The following TDP1 variants were observed in gnomAD, a reference collection of about 807,000 sequenced individuals.
TDP1 encodes tyr-DNA phosphodiesterase 1.
Under a neutral mutation model 81.5 loss-of-function variants are expected in TDP1, and 64 were observed. The observed-to-expected ratio is 0.79, with a 90% confidence interval of 0.64 to 0.97. TDP1 has a LOEUF of 0.97. TDP1 is among the 50% of genes least tolerant of loss of function. TDP1 has a pLI of 0.00. For missense variants in TDP1, 723 were observed against 743.8 expected (o/e 0.97, Z 0.33); for synonymous variants, 256 against 264.3 (o/e 0.97, Z 0.30).
chr14:89,985,185 A>C lies in TDP1; in HGVS notation c.1106A>C (p.Asn369Thr), dbSNP rs1036757935. The change falls in exon 10 of 17, where the codon AAT becomes ACT. Residue 369 changes from asparagine (N) to threonine (T), a missense_variant. Transcript: ENST00000335725. ...CGCTTTCAAGGAAGTCAAAAAGATAATTGGGGACATTTTAGACTTAAGAAG... is the reference window on the plus strand; with the variant it reads ...CGCTTTCAAGGAAGTCAAAAAGATACTTGGGGACATTTTAGACTTAAGAAG... ...PGRFQGSQKD[N>T]WGHFRLKKLL... The C allele has an allele frequency of 8.7e-6, 14 of 1,610,280 alleles. No individual in the cohort carries two copies. The highest frequency in any genetic ancestry group is 1.1e-5 in the Non-Finnish European group (13 of 1,178,114).
chr14:89,990,546 CCT>C (rs1491129020), intron 12 of TDP1, among the ~76,000 whole-genome samples: 9 of 131,902 alleles, frequency 6.8e-5, no homozygotes, highest in African/African-American at 2.8e-4. Flanking sequence ...GTGTATTAGC[CCT>C]TTTTTTTTTT....
intron 14 of TDP1, among the ~76,000 whole-genome samples, chr14:90,009,201 C>G (rs549316211): frequency 9.3e-4 from 141 of 152,136 alleles, no homozygotes; most frequent in Non-Finnish European, 1.4e-3. Flanking sequence ...GTGGACAAAC[C>G]TCTGTACCTC....
At chr14:90,026,514 G>A (rs1004433375) in intron 15 of TDP1, among the ~76,000 whole-genome samples, 1 of 152,126 alleles carries the variant, frequency 6.6e-6, no homozygotes, top group Admixed American at 6.5e-5. Flanking sequence ...ACAACGTGCA[G>A]GTTTGTTACA....
intron 3 of TDP1, among the ~76,000 whole-genome samples, chr14:89,965,090 G>A (rs1392351703): frequency 6.6e-6 from 1 of 152,196 alleles, no homozygotes; most frequent in Admixed American, 6.5e-5. Context: ...AGAAATACAT[G>A]CTGGTGGGGG....
At chr14:90,013,278 G>A (rs747590964) in intron 14 of TDP1, among the ~76,000 whole-genome samples, 13 of 152,304 alleles carry the variant, frequency 8.5e-5, no homozygotes, top group Non-Finnish European at 1.5e-4. Flanking sequence ...GAATGATATG[G>A]TTTGGCTCTG....
Position 89,961,763 on chromosome 14 carries a change from T to C in TDP1, c.-7-1345T>C, listed in dbSNP as rs116259999. 5.3e-3 allele frequency among the ~76,000 whole-genome samples: 801 copies of C among 152,360 alleles called. 8 individuals carry two copies. Among genetic ancestry groups the C allele is most frequent in the African/African-American group, 0.019 (774 of 41,588 alleles). On this transcript the variant is annotated intron_variant, in intron 2 of 16. Coordinates refer to ENST00000335725, the MANE Select transcript of TDP1 (RefSeq NM_018319.4). ...GTATTGATTTGCAAATCTTTTGATG[T>C]AGAATAATGTTGAATTCTCTTTTTT...
intron 14 of TDP1, among the ~76,000 whole-genome samples, chr14:90,013,682 C>T (rs1884985101): frequency 6.6e-6 from 1 of 152,160 alleles, no homozygotes; most frequent in Non-Finnish European, 1.5e-5. Flanking sequence ...TGTGTCCCCA[C>T]CCAAATCTCA....
intron 7 of TDP1, among the ~76,000 whole-genome samples, chr14:89,976,117 A>T (rs544081550): frequency 1.3e-5 from 2 of 151,968 alleles, no homozygotes; most frequent in East Asian, 3.9e-4. Context: ...TATACACACA[A>T]TTTTTCAAGA....
Position 89,963,669 on chromosome 14 carries a change from C to A in TDP1, c.555C>A (p.Ile185=). The A allele has an allele frequency of 6.2e-7, 1 of 1,613,952 alleles. No homozygotes were observed. The highest frequency in any genetic ancestry group is 1.7e-4 in the Middle Eastern group (1 of 6,046). ...KPKYNSGALH[I]KDILSPLFGT... Reference sequence around the variant, plus strand: ...AGTATAACTCTGGAGCCCTCCACATCAAGGGTAAGAGGATGCTGGGTGTCA... The same window carrying A: ...AGTATAACTCTGGAGCCCTCCACATAAAGGGTAAGAGGATGCTGGGTGTCA... Residue 185 remains isoleucine, a synonymous_variant, in exon 3 of 17, where the codon ATC becomes ATA. Coordinates refer to ENST00000335725, the MANE Select transcript of TDP1 (RefSeq NM_018319.4).
chr14:90,030,589 C>T (rs1249184925), intron 15 of TDP1, among the ~76,000 whole-genome samples: 2 of 152,168 alleles, frequency 1.3e-5, no homozygotes, highest in South Asian at 2.1e-4. Context: ...GCACAAAACA[C>T]TTTCACACAG....
At chr14:90,015,254 C>T (rs534196869) in intron 14 of TDP1, among the ~76,000 whole-genome samples, 2 of 152,218 alleles carry the variant, frequency 1.3e-5, no homozygotes, top group Admixed American at 1.3e-4. Context: ...ATGTGCCTGC[C>T]TGCCTTCTCC....
At chr14:89,976,588 G>A (rs552608379) in intron 7 of TDP1, among the ~76,000 whole-genome samples, 2 of 137,462 alleles carry the variant, frequency 1.5e-5, no homozygotes, top group African/African-American at 5.6e-5. Context: ...CCAGCCTGGA[G>A]TGCAGTGGCA....
In TDP1 at chr14:90,021,890, A is replaced by T. The variant is rs554643914; in HGVS notation, c.1644+2472A>T. 8.6e-5 allele frequency among the ~76,000 whole-genome samples: 13 copies of T among 151,870 alleles called. No individual in the cohort carries two copies. The South Asian group carries it at 2.7e-3, about 31-fold the overall frequency. ...AAGAGTTTGTTAGCACATCTCAAAA[A>T]ACAGAGCCTGGAACAGTGCTTTCCA... On this transcript the variant is annotated intron_variant, in intron 15 of 16. Coordinates refer to ENST00000335725, the MANE Select transcript of TDP1 (RefSeq NM_018319.4).
intron 4 of TDP1, 140 bp downstream of exon 4, chr14:89,966,330 C>A (rs1892946185): frequency 1.4e-6 from 1 of 707,650 alleles, no homozygotes. Context: ...TGGAGGCTGG[C>A]TCAAGTGCCA....
At position 89,990,547 on chromosome 14, in the gene TDP1, CTTTTT is replaced by C. The variant is rs34248681; in HGVS notation, c.1366+801_1366+805del. Among the ~76,000 whole-genome samples the C allele has an allele frequency of 5.0e-3, 512 of 102,356 alleles. 3 individuals are homozygous for C. Among genetic ancestry groups the C allele is most frequent in the African/African-American group, 0.019 (492 of 25,394 alleles). 67.1% of individuals were successfully genotyped at this position (102,356 alleles called of 152,430 possible). ...CGCTAGCGTTTGGAGTGTATTAGCC[CTTTTT>C]TTTTTTTTTTTTTTTTTTAATGGCA... is the stretch of plus-strand genomic sequence containing the variant. On this transcript the variant is annotated intron_variant, in intron 12 of 16. Coordinates refer to ENST00000335725, the MANE Select transcript of TDP1 (RefSeq NM_018319.4).
At chr14:90,032,678 T>C (rs1016082628) in intron 15 of TDP1, 21 of 882,066 alleles carry the variant, frequency 2.4e-5, no homozygotes, top group South Asian at 5.2e-5. Flanking sequence ...ACTTTCATTA[T>C]ACATGAAAGC....
At chr14:90,006,414 T>C (rs1897692398) in intron 14 of TDP1, among the ~76,000 whole-genome samples, 1 of 152,164 alleles carries the variant, frequency 6.6e-6, no homozygotes, top group Non-Finnish European at 1.5e-5. Context: ...GATTTCACGC[T>C]GTCACTCAGG....
At chr14:89,970,037 C>T (rs897155816) in intron 5 of TDP1, among the ~76,000 whole-genome samples, 5 of 151,156 alleles carry the variant, frequency 3.3e-5, no homozygotes, top group African/African-American at 1.2e-4. Flanking sequence ...CCACTACGCC[C>T]GGCTAATTTT....
intron 15 of TDP1, 51 bp downstream of exon 15, chr14:90,019,469 G>A (rs1885714336): frequency 9.8e-7 from 1 of 1,016,500 alleles, no homozygotes; most frequent in Non-Finnish European, 1.6e-6. Context: ...GATGAATTGG[G>A]CTTTGTGTTC....
Sources: allele counts gnomAD v4.1 joint callset (sites outside exome capture counted in the v4.1 genomes callset), GRCh38; gene constraint gnomAD v4.1.1; transcripts MANE v1.5; gene names NCBI Gene and HGNC (gene_info 2026-07-23, HGNC 2026-07-21).